The following COBLL1 variants were observed in gnomAD, a reference collection of about 807,000 sequenced individuals.
The protein encoded by COBLL1 is cordon-bleu WH2 repeat protein like 1.
Under a neutral mutation model 94.8 loss-of-function variants are expected in COBLL1, and 50 were observed. The ratio of observed to expected loss-of-function variants is 0.53; its 90% CI spans 0.42 to 0.67. The LOEUF is 0.67. COBLL1 is among the 30% of genes least tolerant of loss of function. The pLI is 0.00. For missense variants in COBLL1, 1,362 were observed against 1,348.7 expected, an observed-to-expected ratio of 1.01 and a Z score of -0.15; for synonymous variants, 448 against 473.8, an observed-to-expected ratio of 0.95 and a Z score of 0.71.
intron 2 of COBLL1, among the ~76,000 whole-genome samples, chr2:164,793,074 G>A (rs1683270912): frequency 6.6e-6 from 1 of 152,120 alleles, no homozygotes; most frequent in African/African-American, 2.4e-5. Context: ...TTGAAAAACA[G>A]GCCTGAGATA....
At chr2:164,748,712 C>T (rs1686987664) in intron 2 of COBLL1, among the ~76,000 whole-genome samples, 1 of 152,018 alleles carries the variant, frequency 6.6e-6, no homozygotes. Context: ...CAGTAAACAA[C>T]AGCAAATTTC....
rs1253271541 is a variant in COBLL1, at chr2:164,805,364, A to ATATATATATATATATATAT, written c.41+35791_41+35792insATATATATATATATATATA. Among the ~76,000 whole-genome samples, 63 of 41,090 alleles carry ATATATATATATATATATAT rather than the reference A, an allele frequency of 1.5e-3. 2 individuals carry two copies. Among genetic ancestry groups the ATATATATATATATATATAT allele is most frequent in the Non-Finnish European group, 2.2e-3 (51 of 22,768 alleles). 27.0% of individuals were successfully genotyped at this position (41,090 alleles called of 152,430 possible). On this transcript the variant is annotated intron_variant, in intron 2 of 13. Transcript: ENST00000652658. ...ATATATATATATATATATATATATA[A>ATATATATATATATATATAT]AACTAAAGTTCATAGTTTACATTAG...
upstream of COBLL1, chr2:164,841,921 G>T (rs769606060): frequency 3.4e-6 from 5 of 1,483,968 alleles, no homozygotes; most frequent in South Asian, 3.6e-5. This position sits in a 1 kb window ranked among gnomAD's most constrained non-coding sequence, Gnocchi z 5.5. Context: ...CTGGCTGGGC[G>T]CTGGGGGCCT....
At chr2:164,688,863 C>CAA (rs10630427) in intron 13 of COBLL1, among the ~76,000 whole-genome samples, 70,479 of 151,770 alleles carry the variant, frequency 0.46, 18,739 homozygotes, top group African/African-American at 0.73. Flanking sequence ...TGATAAATAT[C>CAA]AATATCATTC....
intron 3 of COBLL1, among the ~76,000 whole-genome samples, chr2:164,737,827 C>T (rs1686391559): frequency 1.3e-5 from 2 of 152,162 alleles, no homozygotes; most frequent in African/African-American, 2.4e-5. Context: ...CTCCCGAGTT[C>T]CTCAGCGGAC....
chr2:164,803,431 G>A (rs1441118414), intron 2 of COBLL1, among the ~76,000 whole-genome samples: 12 of 150,740 alleles, frequency 8.0e-5, no homozygotes, highest in Non-Finnish European at 1.5e-4. Flanking sequence ...CGGGCGTAGT[G>A]GCGGGCGCCT....
intron 3 of COBLL1, among the ~76,000 whole-genome samples, chr2:164,733,641 G>T (rs150619095): frequency 2.2e-3 from 339 of 152,256 alleles, no homozygotes; most frequent in Middle Eastern, 6.8e-3. Context: ...CATATGAATT[G>T]TTTCTGGGGA....
chr2:164,812,649 C>A (rs1257255470), intron 2 of COBLL1, among the ~76,000 whole-genome samples: 1 of 151,904 alleles, frequency 6.6e-6, no homozygotes, highest in Non-Finnish European at 1.5e-5. Context: ...AGATATAAAA[C>A]AAGTATCTTA....
chr2:164,717,255 G>A (rs1685216353), intron 7 of COBLL1, among the ~76,000 whole-genome samples: 2 of 152,054 alleles, frequency 1.3e-5, no homozygotes, highest in Admixed American at 6.6e-5. Context: ...AAATAAAAGT[G>A]TCTAAAATTC....
In COBLL1 at chr2:164,682,816, G is replaced by T. The variant is rs1683098012; in HGVS notation, c.*3130C>A. The T allele has an allele frequency of 6.6e-6, 1 of 152,018 alleles. No individual in the cohort carries two copies. Among genetic ancestry groups the T allele is most frequent in the South Asian group, 2.1e-4 (1 of 4,828 alleles). 9.4% of individuals were successfully genotyped at this position (152,018 alleles called of 1,614,324 possible). A position where few individuals can be genotyped will look rare whatever the true frequency, so the allele number is the denominator to read the frequency against. ...CATGACTCATAAGTGGCAGACTTGTGATCTGAACCCCAATCTCTTCACTCC... is the reference window on the plus strand; with the variant it reads ...CATGACTCATAAGTGGCAGACTTGTTATCTGAACCCCAATCTCTTCACTCC... On this transcript the variant is annotated 3_prime_UTR_variant, in exon 14 of 14. Transcript: ENST00000652658.
chr2:164,699,081 T>C (rs1228029554), intron 11 of COBLL1, among the ~76,000 whole-genome samples: 1 of 120,912 alleles, frequency 8.3e-6, no homozygotes, highest in Non-Finnish European at 1.7e-5. Flanking sequence ...AAGTCTAAAT[T>C]AGATAATTTC....
At chr2:164,751,113 G>A (rs966603430) in intron 2 of COBLL1, among the ~76,000 whole-genome samples, 4 of 152,068 alleles carry the variant, frequency 2.6e-5, no homozygotes, top group Admixed American at 6.6e-5. Flanking sequence ...TCAGAATTCA[G>A]ATAAAATATT....
chr2:164,818,114 G>A (rs970129719), intron 2 of COBLL1, among the ~76,000 whole-genome samples: 5 of 150,610 alleles, frequency 3.3e-5, no homozygotes, highest in Admixed American at 1.3e-4. Flanking sequence ...ATATATACAC[G>A]TGTGCATGTA....
intron 2 of COBLL1, among the ~76,000 whole-genome samples, chr2:164,751,914 G>A (rs568003424): frequency 6.6e-6 from 1 of 152,190 alleles, no homozygotes; most frequent in African/African-American, 2.4e-5. Flanking sequence ...CTGTGGGACA[G>A]GACTCAAATC....
rs141368506 is a variant in COBLL1, at chr2:164,665,619, T to C, written n.181+228A>G. 2.4e-3 allele frequency among the ~76,000 whole-genome samples: 372 copies of C among 152,322 alleles called. 3 individuals are homozygous for C. The highest frequency in any genetic ancestry group is 8.6e-3 in the African/African-American group (357 of 41,576). On this transcript the variant is annotated intron_variant and non_coding_transcript_variant, in intron 2 of 2. Transcript: ENST00000495084. ...GTTGATATTCCTGTTTTAACACCAT[T>C]GCTGCTATTTATTCAATATTACCTA...
chr2:164,698,743 G>A (rs1004723404), intron 11 of COBLL1, among the ~76,000 whole-genome samples: 2 of 151,798 alleles, frequency 1.3e-5, no homozygotes, highest in African/African-American at 4.8e-5. Context: ...ATATAGAACC[G>A]CAAAGCTTCT....
intron 2 of COBLL1, among the ~76,000 whole-genome samples, chr2:164,777,231 A>G (rs1688505390): frequency 6.6e-6 from 1 of 152,024 alleles, no homozygotes; most frequent in Non-Finnish European, 1.5e-5. Flanking sequence ...TATCTGGCAT[A>G]TACAAACCTT....
Position 164,727,688 on chromosome 2 carries a change from C to CAA in COBLL1, c.661+279_661+280dup, listed in dbSNP as rs5835991. 8.1e-3 allele frequency among the ~76,000 whole-genome samples: 1,113 copies of CAA among 137,210 alleles called. 13 individuals are homozygous for CAA. Among genetic ancestry groups the CAA allele is most frequent in the African/African-American group, 0.018 (656 of 37,468 alleles). The allele number at this position is 137,210 out of a possible 152,430, so 90.0% of individuals were successfully genotyped here. ...CATGAAGAATTAAGTTAAATCCTAC[C>CAA]AAAAAAAAAAAAATCAAAGAAAAAA... On this transcript the variant is annotated intron_variant, in intron 5 of 13. Transcript: ENST00000652658.
chr2:164,692,470 A>G (rs566139742), intron 12 of COBLL1, 73 bp from the exon 13 acceptor site: 110 of 1,177,686 alleles, frequency 9.3e-5, no homozygotes, highest in Middle Eastern at 8.5e-4. Flanking sequence ...AAACATTTTC[A>G]TCATCAATAG....
Sources: gnomAD v4.1 joint callset for allele counts (sites outside exome capture counted in the v4.1 genomes callset) on GRCh38, gnomAD v4.1.1 for gene constraint, Gnocchi (gnomAD v3.1) non-coding constraint, MANE v1.5 for transcripts, NCBI Gene and HGNC (gene_info 2026-07-23, HGNC 2026-07-21) for gene names.